ZDHHC24: variants seen among roughly 807,000 people sequenced by gnomAD.
The protein encoded by ZDHHC24 is zDHHC palmitoyltransferase 24, also known as probable palmitoyltransferase ZDHHC24.
Under a neutral mutation model 23.2 loss-of-function variants are expected in ZDHHC24, and 17 were observed. That is an observed-to-expected ratio of 0.73 (90% CI 0.50 to 1.10). The LOEUF (loss-of-function observed/expected upper bound fraction) is 1.10. Ranked by LOEUF, ZDHHC24 falls within the 50% of genes least tolerant of loss-of-function variation. The pLI, the probability that ZDHHC24 is intolerant of heterozygous loss-of-function variation, is 0.00. For synonymous variants in ZDHHC24, 186 were observed against 194.5 expected, an observed-to-expected ratio of 0.96 and a Z score of 0.36; for missense variants, 366 against 393.0, an observed-to-expected ratio of 0.93 and a Z score of 0.58.
chr11:66,523,179 T>C (rs1856316517), intron 4 of ZDHHC24: 1 of 574,860 alleles, frequency 1.7e-6, no homozygotes, highest in South Asian at 1.5e-5. Context: ...TAGATGATCA[T>C]ACAAGCCACC....
At position 66,523,560 on chromosome 11, in the gene ZDHHC24, A is replaced by G. The variant is rs753972808; in HGVS notation, c.*22-2094T>C. 6.2e-7 allele frequency: 1 copy of G among 1,613,992 alleles called. No individual in the cohort carries two copies. Among genetic ancestry groups the G allele is most frequent in the Non-Finnish European group, 8.5e-7 (1 of 1,180,014 alleles). On this transcript the variant is annotated intron_variant, in intron 4 of 4. Transcript: ENST00000526986. ...GTGGGCAGCACCCAAGACAGCCTGCATGGCTTCACCCACAAGGTGCAGCCC... is the reference window on the plus strand; with the variant it reads ...GTGGGCAGCACCCAAGACAGCCTGCGTGGCTTCACCCACAAGGTGCAGCCC...
At chr11:66,521,326 G>T (rs1440182037) in exon 5 of ZDHHC24, 1 of 1,614,254 alleles carries the variant, frequency 6.2e-7, no homozygotes, top group Admixed American at 1.7e-5. Flanking sequence ...TTGATGTTGA[G>T]TTCCGGCTTG....
chr11:66,542,739 T>C (rs1220153185), intron 2 of ZDHHC24: 1 of 151,812 alleles, frequency 6.6e-6, no homozygotes, highest in Non-Finnish European at 1.5e-5. Flanking sequence ...GAAGAGAGAG[T>C]CTGTGACTGG....
downstream of ZDHHC24, chr11:66,530,822 G>A (rs1856745459): frequency 1.2e-6 from 2 of 1,601,692 alleles, no homozygotes; most frequent in African/African-American, 1.3e-5. Flanking sequence ...GTGGAAGGCA[G>A]GCAGAGCACA....
downstream of ZDHHC24, chr11:66,530,792 G>A (rs1234572179): frequency 5.3e-6 from 8 of 1,501,600 alleles, no homozygotes; most frequent in Non-Finnish European, 6.5e-6. Context: ...TGAGTAGGAG[G>A]AGGGGACATG....
chr11:66,531,582 G>A, downstream of ZDHHC24: 4 of 1,593,252 alleles, frequency 2.5e-6, no homozygotes, highest in South Asian at 1.1e-5. Context: ...GGAGACTGCG[G>A]GCCTGAATGC....
chr11:66,541,570 C>G (rs1857152026), intron 2 of ZDHHC24, among the ~76,000 whole-genome samples: 1 of 152,056 alleles, frequency 6.6e-6, no homozygotes, highest in Non-Finnish European at 1.5e-5. Flanking sequence ...ACTGTGGGCG[C>G]AGCTAGACCT....
At chr11:66,534,766 G>A (rs2134855668), downstream of ZDHHC24, among the ~76,000 whole-genome samples, 1 of 152,244 alleles carries the variant, frequency 6.6e-6, no homozygotes, top group African/African-American at 2.4e-5. Flanking sequence ...CGCGGTCTCG[G>A]CTCGCTGCAA....
chr11:66,530,140 C>T (rs1481627025), intron 2 of ZDHHC24, among the ~76,000 whole-genome samples: 2 of 152,166 alleles, frequency 1.3e-5, no homozygotes, highest in Non-Finnish European at 2.9e-5. Flanking sequence ...CCCTCACCTT[C>T]CCACCCTCCT....
intron 4 of ZDHHC24, among the ~76,000 whole-genome samples, chr11:66,525,928 GATATTTGGTCTGGA>G (rs2134807963): frequency 6.6e-6 from 1 of 152,286 alleles, no homozygotes; most frequent in East Asian, 1.9e-4. Context: ...GAGGGCCAGT[GATATTTGGTCTGGA>G]ACTGAGGTAG....
At chr11:66,531,291 G>C (rs1856770822), downstream of ZDHHC24, among the ~76,000 whole-genome samples, 1 of 152,224 alleles carries the variant, frequency 6.6e-6, no homozygotes, top group East Asian at 1.9e-4. Context: ...AAAACTGCTA[G>C]AGCCTGAACC....
At chr11:66,542,836 G>C (rs1003654090) in intron 2 of ZDHHC24, 2 of 150,540 alleles carry the variant, frequency 1.3e-5, no homozygotes, top group Admixed American at 6.6e-5. Flanking sequence ...CTCCTGGAGG[G>C]AGGCAGAGGA....
At chr11:66,528,628 CTG>C (rs1404536777) in intron 3 of ZDHHC24, among the ~76,000 whole-genome samples, 1 of 152,134 alleles carries the variant, frequency 6.6e-6, no homozygotes, top group African/African-American at 2.4e-5. Context: ...AGATGTGAGA[CTG>C]TCCAAAAACA....
At chr11:66,525,853 C>T (rs991517888) in intron 4 of ZDHHC24, among the ~76,000 whole-genome samples, 2 of 152,084 alleles carry the variant, frequency 1.3e-5, no homozygotes, top group African/African-American at 4.8e-5. Context: ...TTGTGAAGGG[C>T]AGACTGGGGA....
Position 66,523,556 on chromosome 11 carries a change from C to T in ZDHHC24, c.*22-2090G>A, listed in dbSNP as rs1256532742. 3.7e-6 allele frequency: 6 copies of T among 1,614,174 alleles called. No individual in the cohort carries two copies. Among genetic ancestry groups the T allele is most frequent in the Admixed American group, 1.7e-5 (1 of 60,026 alleles). On this transcript the variant is annotated intron_variant, in intron 4 of 4. Transcript: ENST00000526986. ...AGTGGTGGGCAGCACCCAAGACAGC[C>T]TGCATGGCTTCACCCACAAGGTGCA...
chr11:66,539,559 G>A lies in ZDHHC24; in HGVS notation c.825C>T (p.Thr275=), dbSNP rs764255315. ...AGGCTGTGTGTCCCACATCTGCTGT[G>A]GTCTGGAAGGTGATCCCATCCCCAG... ...PLPGDGITFQ[T]TADVGHTAS The change falls in exon 3 of 3, where the codon ACC becomes ACT. Residue 275 remains threonine, a synonymous_variant. Coordinates refer to ENST00000310442, the MANE Select transcript of ZDHHC24 (RefSeq NM_207340.3). The A allele has an allele frequency of 2.5e-6, 4 of 1,602,668 alleles. No individual in the cohort carries two copies. The highest frequency in any genetic ancestry group is 3.4e-6 in the Non-Finnish European group (4 of 1,174,020).
rs74468767 is a variant in ZDHHC24, at chr11:66,545,333, C to G, written c.281+390G>C. Among the ~76,000 whole-genome samples, 1,730 of 152,296 alleles carry G rather than the reference C, an allele frequency of 0.011. 29 individuals carry two copies. Among genetic ancestry groups the G allele is most frequent in the African/African-American group, 0.04 (1,644 of 41,554 alleles). On this transcript the variant is annotated intron_variant, in intron 1 of 2. Coordinates refer to ENST00000310442, the MANE Select transcript of ZDHHC24 (RefSeq NM_207340.3). The surrounding 1 kb of genome is among the most constrained non-coding windows in gnomAD (Gnocchi z 4.5). ...GGATTACAGATGTGAGCCAACGCAC[C>G]CGGCCTAACCACCTATTTAATATTG...
intron 3 of ZDHHC24, chr11:66,527,206 TC>T: frequency 1.2e-5 from 6 of 518,340 alleles, no homozygotes; most frequent in East Asian, 3.2e-5. Flanking sequence ...TACTTCTTTC[TC>T]AAAAAAAAAA....
intron 4 of ZDHHC24, chr11:66,523,775 C>G: frequency 6.2e-7 from 1 of 1,613,298 alleles, no homozygotes; most frequent in South Asian, 1.1e-5. Context: ...GACCATGAAC[C>G]TCCTGGAGCA....
Sources: gnomAD v4.1 joint callset for allele counts (sites outside exome capture counted in the v4.1 genomes callset) on GRCh38, gnomAD v4.1.1 for gene constraint, Gnocchi (gnomAD v3.1) non-coding constraint, MANE v1.5 for transcripts, NCBI Gene and HGNC (gene_info 2026-07-23, HGNC 2026-07-21) for gene names.